HOXB9: variants seen among roughly 807,000 people sequenced by gnomAD.
HOXB9 encodes homeobox protein Hox-B9.
HOXB9 carries 10 observed loss-of-function variants against 21.5 expected under a neutral mutation model. The observed-to-expected ratio is 0.47, with a 90% CI of 0.29 to 0.79. The LOEUF is 0.79. Ranked by LOEUF, HOXB9 falls within the 30% of genes least tolerant of loss-of-function variation. The pLI is 0.10. For missense variants in HOXB9, 375 were observed against 338.7 expected, an observed-to-expected ratio of 1.11 and a Z score of -0.84; for synonymous variants, 156 against 151.2, an observed-to-expected ratio of 1.03 and a Z score of -0.23.
intron 1 of HOXB9, among the ~76,000 whole-genome samples, chr17:48,625,547 G>A (rs1231221312): frequency 6.6e-6 from 1 of 152,232 alleles, no homozygotes; most frequent in African/African-American, 2.4e-5. Flanking sequence ...TGGGGGCAGC[G>A]CTCCTCTGGC....
rs1389971632 is a variant in HOXB9, at chr17:48,625,960, G to A, written c.310C>T (p.Arg104Cys). The change falls in exon 1 of 2, where the codon CGC (arginine) becomes TGC (cysteine). Residue 104 changes from arginine (R) to cysteine (C), a missense_variant. Arg to Cys is a radical substitution (Grantham distance 180, BLOSUM62 -3). Coordinates refer to ENST00000311177, the MANE Select transcript of HOXB9 (RefSeq NM_024017.5). ...YLRTWLEPAP[R>C]GEAAPGQGQA... ...CCCTGCCCCGGGGCCGCTTCGCCGC[G>A]CGGCGCCGGCTCCAGCCAGGTGCGG... is the stretch of plus-strand genomic sequence containing the variant. The A allele has an allele frequency of 4.0e-6, 6 of 1,487,008 alleles. No homozygotes were observed. Among genetic ancestry groups the A allele is most frequent in the Non-Finnish European group, 5.3e-6 (6 of 1,129,810 alleles). The allele number at this position is 1,487,008 out of a possible 1,614,324, so 92.1% of individuals were successfully genotyped here.
chr17:48,623,168 G>C (rs2070785384), intron 1 of HOXB9, 33 bp from the exon 2 acceptor site: 1 of 1,568,732 alleles, frequency 6.4e-7, no homozygotes, highest in Admixed American at 1.7e-5. Context: ...ATCAAAGAAA[G>C]GAAGGGGGTG....
At position 48,622,790 on chromosome 17, in the gene HOXB9, C is replaced by T. The variant is rs1173532130; in HGVS notation, c.*110G>A. 4.0e-6 allele frequency: 3 copies of T among 757,198 alleles called. No individual in the cohort carries two copies. Among genetic ancestry groups the T allele is most frequent in the African/African-American group, 3.5e-5 (2 of 57,696 alleles). The allele number at this position is 757,198 out of a possible 1,614,324, so 46.9% of individuals were successfully genotyped here. A position where few individuals can be genotyped will look rare whatever the true frequency, so the allele number is the denominator to read the frequency against. On this transcript the variant is annotated 3_prime_UTR_variant, in exon 2 of 2. Coordinates refer to ENST00000311177, the MANE Select transcript of HOXB9 (RefSeq NM_024017.5). ...GATAAAGGACTTGGAAGAGAGACTCCCTTCCCCATTCACTTGAATACATCC... is the reference window on the plus strand; with the variant it reads ...GATAAAGGACTTGGAAGAGAGACTCTCTTCCCCATTCACTTGAATACATCC...
Position 48,621,680 on chromosome 17 carries a change from C to G in HOXB9, c.*1220G>C, listed in dbSNP as rs577636374. 1 of 152,392 alleles carries G rather than the reference C, an allele frequency of 6.6e-6. No individual in the cohort carries two copies. Among genetic ancestry groups the G allele is most frequent in the East Asian group, 1.9e-4 (1 of 5,188 alleles). 9.4% of individuals were successfully genotyped at this position (152,392 alleles called of 1,614,324 possible). A position where few individuals can be genotyped will look rare whatever the true frequency, so the allele number is the denominator to read the frequency against. ...TTCTCTGCGTGGGTCGAGAAGCCGA[C>G]GGGATTCGGAGGAACGCGCAGAGCG... On this transcript the variant is annotated 3_prime_UTR_variant, in exon 2 of 2. Coordinates refer to ENST00000311177, the MANE Select transcript of HOXB9 (RefSeq NM_024017.5).
chr17:48,622,735 G>A lies in HOXB9; in HGVS notation c.*165C>T, dbSNP rs2070780629. On this transcript the variant is annotated 3_prime_UTR_variant, in exon 2 of 2. Coordinates refer to ENST00000311177, the MANE Select transcript of HOXB9 (RefSeq NM_024017.5). The stretch of plus-strand genomic sequence containing the variant: ...AGAGAGAAGAGAGAGACAGGTAAGG[G>A]CAAAGGAAAGGAGGGAGGTTCTAGG... 1 of 596,388 alleles carries A rather than the reference G, an allele frequency of 1.7e-6. No individual in the cohort carries two copies. The highest frequency in any genetic ancestry group is 2.8e-5 in the East Asian group (1 of 35,852). 36.9% of individuals were successfully genotyped at this position (596,388 alleles called of 1,614,324 possible).
intron 1 of HOXB9, among the ~76,000 whole-genome samples, chr17:48,623,651 C>T (rs1277476624): frequency 6.6e-6 from 1 of 152,136 alleles, no homozygotes; most frequent in East Asian, 1.9e-4. Flanking sequence ...CTGCCTTGAT[C>T]ACAAACAAGC....
chr17:48,622,762 G>A lies in HOXB9; in HGVS notation c.*138C>T. ...AAAGGAAAGGAGGGAGGTTCTAGGT[G>A]CAGATAAAGGACTTGGAAGAGAGAC... is the stretch of plus-strand genomic sequence containing the variant. On this transcript the variant is annotated 3_prime_UTR_variant, in exon 2 of 2. Transcript: ENST00000311177. 2 of 635,488 alleles carry A rather than the reference G, an allele frequency of 3.1e-6. No individual in the cohort carries two copies. Among genetic ancestry groups the A allele is most frequent in the East Asian group, 2.7e-5 (1 of 36,564 alleles). 39.4% of individuals were successfully genotyped at this position (635,488 alleles called of 1,614,324 possible).
intron 1 of HOXB9, among the ~76,000 whole-genome samples, chr17:48,625,149 C>T (rs2070801252): frequency 6.6e-6 from 1 of 152,264 alleles, no homozygotes; most frequent in African/African-American, 2.4e-5. Context: ...TCCTGGGCTT[C>T]CCCCGCCCCT....
In HOXB9 at chr17:48,626,316, G is replaced by T; in HGVS notation, c.-47C>A. On this transcript the variant is annotated 5_prime_UTR_variant, in exon 1 of 2. Coordinates refer to ENST00000311177, the MANE Select transcript of HOXB9 (RefSeq NM_024017.5). Reference sequence around the variant, plus strand: ...TTGCAGGGGGAAGGGAAGCGCTCGCGCGGCGGCGCCCAAGCAGGGAGAGGT... The same window carrying T: ...TTGCAGGGGGAAGGGAAGCGCTCGCTCGGCGGCGCCCAAGCAGGGAGAGGT... 6.5e-7 allele frequency: 1 copy of T among 1,534,390 alleles called. No homozygotes were observed. The highest frequency in any genetic ancestry group is 8.7e-7 in the Non-Finnish European group (1 of 1,146,328).
chr17:48,625,777 C>T lies in HOXB9; in HGVS notation c.493G>A (p.Glu165Lys), dbSNP rs746897612. ...CTTTGATCCGGCCTCTCTTTGTCCTCGCTTCCTTCGCAAATTTTATTGTCC... is the reference window on the plus strand; with the variant it reads ...CTTTGATCCGGCCTCTCTTTGTCCTTGCTTCCTTCGCAAATTTTATTGTCC... ...YGDNKICEGS[E>K]DKERPDQTNP... The change falls in exon 1 of 2, where the codon GAG becomes AAG. Residue 165 changes from glutamate to lysine, a missense_variant. Transcript: ENST00000311177. 6.2e-7 allele frequency: 1 copy of T among 1,600,416 alleles called. No individual in the cohort carries two copies. The highest frequency in any genetic ancestry group is 8.5e-7 in the Non-Finnish European group (1 of 1,174,298).
chr17:48,626,135 C>G lies in HOXB9; in HGVS notation c.135G>C (p.Leu45=). Residue 45 remains leucine, a synonymous_variant, in exon 1 of 2, where the codon CTG becomes CTC. Transcript: ENST00000311177. ...GCTGGAAGCTGCACGAGGGGAACTCCAGGTGCTCCGCGTGGCCCGGCTGCC... is the reference window on the plus strand; with the variant it reads ...GCTGGAAGCTGCACGAGGGGAACTCGAGGTGCTCCGCGTGGCCCGGCTGCC... ...SSRQPGHAEH[L]EFPSCSFQPK... 6.3e-7 allele frequency: 1 copy of G among 1,591,924 alleles called. No individual in the cohort carries two copies. Among genetic ancestry groups the G allele is most frequent in the Non-Finnish European group, 8.5e-7 (1 of 1,175,804 alleles).
rs1305970688 is a variant in HOXB9, at chr17:48,622,051, C to A, written c.*849G>T. 6.6e-6 allele frequency: 1 copy of A among 152,214 alleles called. No individual in the cohort carries two copies. Among genetic ancestry groups the A allele is most frequent in the African/African-American group, 2.4e-5 (1 of 41,442 alleles). The allele number at this position is 152,214 out of a possible 1,614,324, so 9.4% of individuals were successfully genotyped here. A position where few individuals can be genotyped will look rare whatever the true frequency, so the allele number is the denominator to read the frequency against. ...AAGGCTCTACGACCCACAGTTTGAC[C>A]TTCTTTTGTTGGAAGGAGAGGGAAA... is the stretch of plus-strand genomic sequence containing the variant. On this transcript the variant is annotated 3_prime_UTR_variant, in exon 2 of 2. Coordinates refer to ENST00000311177, the MANE Select transcript of HOXB9 (RefSeq NM_024017.5).
chr17:48,623,702 C>G (rs373559541), intron 1 of HOXB9, among the ~76,000 whole-genome samples: 2 of 152,272 alleles, frequency 1.3e-5, no homozygotes, highest in South Asian at 2.1e-4. Context: ...TGTGTGTCTG[C>G]GTAGAAATCT....
rs1450742501 is a variant in HOXB9, at chr17:48,626,153, C to T, written c.117G>A (p.Pro39=). The change falls in exon 1 of 2, where the codon CCG becomes CCA. Residue 39 remains proline (P), a synonymous_variant. Coordinates refer to ENST00000311177, the MANE Select transcript of HOXB9 (RefSeq NM_024017.5). ...GGAACTCCAGGTGCTCCGCGTGGCC[C>T]GGCTGCCGCGAGCTCGCGTACTGGC... ...PSGQYASSRQ[P]GHAEHLEFPS... is the part of the protein sequence containing the mutation. The T allele has an allele frequency of 1.9e-6, 3 of 1,595,780 alleles. No homozygotes were observed. The highest frequency in any genetic ancestry group is 1.3e-5 in the African/African-American group (1 of 74,890).
Position 48,622,750 on chromosome 17 carries a change from G to A in HOXB9, c.*150C>T. The A allele has an allele frequency of 3.3e-6, 2 of 611,060 alleles. No homozygotes were observed. The highest frequency in any genetic ancestry group is 4.1e-5 in the South Asian group (2 of 49,184). The allele number at this position is 611,060 out of a possible 1,614,324, so 37.9% of individuals were successfully genotyped here. A position where few individuals can be genotyped will look rare whatever the true frequency, so the allele number is the denominator to read the frequency against. ...ACAGGTAAGGGCAAAGGAAAGGAGG[G>A]AGGTTCTAGGTGCAGATAAAGGACT... On this transcript the variant is annotated 3_prime_UTR_variant, in exon 2 of 2. Coordinates refer to ENST00000311177, the MANE Select transcript of HOXB9 (RefSeq NM_024017.5).
In HOXB9 at chr17:48,626,338, A is replaced by G; in HGVS notation, c.-69T>C. ...CGCGCGGCGGCGCCCAAGCAGGGAG[A>G]GGTGGCACCCGGACCGGTGTGAGGG... On this transcript the variant is annotated 5_prime_UTR_variant, in exon 1 of 2. Coordinates refer to ENST00000311177, the MANE Select transcript of HOXB9 (RefSeq NM_024017.5). 4 of 1,500,550 alleles carry G rather than the reference A, an allele frequency of 2.7e-6. No homozygotes were observed. The highest frequency in any genetic ancestry group is 3.6e-6 in the Non-Finnish European group (4 of 1,121,682). The allele number at this position is 1,500,550 out of a possible 1,614,324, so 93.0% of individuals were successfully genotyped here. A position where few individuals can be genotyped will look rare whatever the true frequency, so the allele number is the denominator to read the frequency against.
rs1871444990 is a variant in HOXB9, at chr17:48,626,340, G to A, written c.-71C>T. 2 of 1,490,744 alleles carry A rather than the reference G, an allele frequency of 1.3e-6. No individual in the cohort carries two copies. Among genetic ancestry groups the A allele is most frequent in the Non-Finnish European group, 1.8e-6 (2 of 1,114,344 alleles). The allele number at this position is 1,490,744 out of a possible 1,614,324, so 92.3% of individuals were successfully genotyped here. On this transcript the variant is annotated 5_prime_UTR_variant, in exon 1 of 2. Coordinates refer to ENST00000311177, the MANE Select transcript of HOXB9 (RefSeq NM_024017.5). Reference sequence around the variant, plus strand: ...CGCGGCGGCGCCCAAGCAGGGAGAGGTGGCACCCGGACCGGTGTGAGGGCT... The same window carrying A: ...CGCGGCGGCGCCCAAGCAGGGAGAGATGGCACCCGGACCGGTGTGAGGGCT...
In HOXB9 at chr17:48,622,971, G is replaced by T. The variant is rs1344885983; in HGVS notation, c.682C>A (p.Gln228Lys). Residue 228 changes from glutamine (Q) to lysine (K), a missense_variant, in exon 2 of 2, where the codon CAA (glutamine) becomes AAA (lysine). Physicochemically the swap from Gln to Lys is moderately conservative, Grantham distance 53. Transcript: ENST00000311177. ...CGGTTCTGAAACCAGATTTTGACTT[G>T]TCTCTCACTCAGATTGAGGAGTCTG... The part of the protein sequence containing the change: ...VARLLNLSER[Q>K]VKIWFQNRRM... 2 of 1,614,038 alleles carry T rather than the reference G, an allele frequency of 1.2e-6. No homozygotes were observed.
chr17:48,626,016 TG>T lies in HOXB9; in HGVS notation c.253del (p.Gln85ArgfsTer32). 1 of 1,572,616 alleles carries T rather than the reference TG, an allele frequency of 6.4e-7. No individual in the cohort carries two copies. On this transcript the variant is annotated frameshift_variant, in exon 1 of 2. Transcript: ENST00000311177. LOFTEE classifies it high-confidence loss of function. ...PSVYHPYIQP[Q>X]GVPPAESRYL... is the part of the protein sequence containing the mutation. Reference sequence around the variant, plus strand: ...CCTGCTCTCGGCCGGCGGGACGCCCTGGGGCTGGATGTAAGGGTGGTAGACG... The same window carrying T: ...CCTGCTCTCGGCCGGCGGGACGCCCTGGGCTGGATGTAAGGGTGGTAGACG...
Sources: gnomAD v4.1 joint callset for allele counts (sites outside exome capture counted in the v4.1 genomes callset) on GRCh38, gnomAD v4.1.1 for gene constraint, MANE v1.5 for transcripts, NCBI Gene and HGNC (gene_info 2026-07-23, HGNC 2026-07-21) for gene names.